Variants in SGIP1 observed in about 807,000 individuals in gnomAD.
SGIP1 encodes the protein SH3GL interacting endocytic adaptor 1, also known as SH3-containing GRB2-like protein 3-interacting protein 1.
A neutral mutation model predicts 107.5 loss-of-function variants in SGIP1; 38 were observed. The ratio of observed to expected loss-of-function variants is 0.35; its 90% CI spans 0.27 to 0.46. SGIP1 has a LOEUF of 0.46. SGIP1 is among the 20% of genes least tolerant of loss of function. The probability of loss-of-function intolerance (pLI) is 1.00; values close to 1 mark genes in which losing one functional copy is unlikely to be tolerated. For missense variants in SGIP1, 929 were observed against 1,019.5 expected (o/e 0.91, Z 1.21); for synonymous variants, 365 against 366.1 (o/e 1.00, Z 0.03).
intron 18 of SGIP1, among the ~76,000 whole-genome samples, chr1:66,715,722 TTGA>T (rs1302066195): frequency 6.6e-6 from 1 of 152,126 alleles, no homozygotes; most frequent in Non-Finnish European, 1.5e-5. Flanking sequence ...CAATAGAAAA[TTGA>T]TGATCAACTA....
intron 18 of SGIP1, among the ~76,000 whole-genome samples, chr1:66,703,812 T>C (rs949066982): frequency 2.0e-5 from 3 of 151,790 alleles, no homozygotes; most frequent in Non-Finnish European, 4.4e-5. Flanking sequence ...AAATATGGAA[T>C]ATGAATGATA....
At chr1:66,664,836 G>A (rs12039010) in intron 8 of SGIP1, among the ~76,000 whole-genome samples, 1 of 152,076 alleles carries the variant, frequency 6.6e-6, no homozygotes, top group South Asian at 2.1e-4. Flanking sequence ...CTAGTCACTC[G>A]TGTTTATATC....
chr1:66,623,571 A>T (rs1283400176), intron 1 of SGIP1, among the ~76,000 whole-genome samples: 1 of 152,138 alleles, frequency 6.6e-6, no homozygotes, highest in African/African-American at 2.4e-5. Context: ...TTCTTATTCA[A>T]CAATTTGATT....
At position 66,749,925 on chromosome 1, in the gene SGIP1, A is replaced by T. The variant is rs1010738275; in HGVS notation, c.*6830A>T. Among the ~76,000 whole-genome samples, 31 of 151,982 alleles carry T rather than the reference A, an allele frequency of 2.0e-4. 1 individual carries two copies. The highest frequency in any genetic ancestry group is 7.5e-4 in the African/African-American group (31 of 41,394). On this transcript the variant is annotated 3_prime_UTR_variant, in exon 25 of 25. Transcript: ENST00000371037. Reference sequence around the variant, plus strand: ...ATTCATATAGCTGTGTTGATTTTTCAGGTCAGAATTTAGTTCTTGCTTTGT... The same window carrying T: ...ATTCATATAGCTGTGTTGATTTTTCTGGTCAGAATTTAGTTCTTGCTTTGT...
chr1:66,708,392 T>C (rs1055972330), intron 18 of SGIP1, among the ~76,000 whole-genome samples: 9 of 152,142 alleles, frequency 5.9e-5, no homozygotes, highest in African/African-American at 2.2e-4. Context: ...CCACTGTCTA[T>C]GTGAAAGTGT....
rs1313733423 is a variant in SGIP1, at chr1:66,682,141, C to T, written c.1087C>T (p.Pro363Ser). The change falls in exon 15 of 25, where the codon CCT becomes TCT. Residue 363 changes from proline to serine, a missense_variant. By Grantham distance (74) the Pro-to-Ser change is moderately conservative. Coordinates refer to ENST00000371037, the MANE Select transcript of SGIP1 (RefSeq NM_032291.4). ...CCCAGGTCCCACAGGCCCCCCAGGG[C>T]CTCCTGGGCCTCCTCGCAATGTACT... ...GPPGPTGPPG[P>S]PGPPRNVLSP... 9 of 1,614,132 alleles carry T rather than the reference C, an allele frequency of 5.6e-6. No homozygotes were observed. The highest frequency in any genetic ancestry group is 2.2e-5 in the East Asian group (1 of 44,892).
intron 18 of SGIP1, among the ~76,000 whole-genome samples, chr1:66,697,655 A>G (rs1280040640): frequency 1.3e-5 from 2 of 152,180 alleles, no homozygotes; most frequent in Non-Finnish European, 2.9e-5. Flanking sequence ...AAAAACGGCT[A>G]TATTTTTTAA....
intron 1 of SGIP1, among the ~76,000 whole-genome samples, chr1:66,619,356 G>A (rs2070326211): frequency 6.6e-6 from 1 of 152,242 alleles, no homozygotes; most frequent in Non-Finnish European, 1.5e-5. Context: ...TATGAGGTGA[G>A]TAAGGAAGGT....
chr1:66,562,104 A>C (rs1406899156), intron 1 of SGIP1, among the ~76,000 whole-genome samples: 1 of 151,926 alleles, frequency 6.6e-6, no homozygotes, highest in Non-Finnish European at 1.5e-5. Context: ...CCAAAAAAAA[A>C]AAATCTGGCT....
chr1:66,540,878 G>A (rs1002813057), intron 1 of SGIP1, among the ~76,000 whole-genome samples: 7 of 152,160 alleles, frequency 4.6e-5, no homozygotes, highest in African/African-American at 1.7e-4. Context: ...GATAATTGAT[G>A]TGCCATACCT....
At chr1:66,661,247 A>G (rs1294603864) in intron 8 of SGIP1, among the ~76,000 whole-genome samples, 2 of 152,226 alleles carry the variant, frequency 1.3e-5, no homozygotes, top group African/African-American at 4.8e-5. Flanking sequence ...ATGCTGATGC[A>G]TGGCTGACAG....
At chr1:66,617,894 G>A (rs1343080628) in intron 1 of SGIP1, among the ~76,000 whole-genome samples, 2 of 152,062 alleles carry the variant, frequency 1.3e-5, no homozygotes, top group Non-Finnish European at 2.9e-5. Context: ...AAATTATGAT[G>A]ACTAACAAAA....
chr1:66,559,567 T>G (rs1285294915), intron 1 of SGIP1, among the ~76,000 whole-genome samples: 1 of 152,096 alleles, frequency 6.6e-6, no homozygotes, highest in Non-Finnish European at 1.5e-5. Context: ...TGAGGAGCAG[T>G]AGAGTACATG....
At chr1:66,659,414 G>A (rs540750680) in intron 7 of SGIP1, among the ~76,000 whole-genome samples, 1 of 152,174 alleles carries the variant, frequency 6.6e-6, no homozygotes, top group Non-Finnish European at 1.5e-5. Flanking sequence ...AAGAACTGAC[G>A]GCTCTAGCCA....
At chr1:66,651,690 C>T (rs759957034) in intron 7 of SGIP1, among the ~76,000 whole-genome samples, 2 of 152,182 alleles carry the variant, frequency 1.3e-5, no homozygotes, top group African/African-American at 2.4e-5. Flanking sequence ...TTCTATGGTA[C>T]AGCACTTCCT....
At chr1:66,655,952 G>A (rs561012097) in intron 7 of SGIP1, among the ~76,000 whole-genome samples, 3 of 152,042 alleles carry the variant, frequency 2.0e-5, no homozygotes, top group African/African-American at 7.2e-5. Context: ...TTTTTAAAAT[G>A]TATTGACTCT....
chr1:66,724,317 T>G (rs1044910527), intron 19 of SGIP1, among the ~76,000 whole-genome samples: 2 of 152,240 alleles, frequency 1.3e-5, no homozygotes, highest in African/African-American at 4.8e-5. Flanking sequence ...TAAGCATCTA[T>G]TCATATTTCC....
chr1:66,738,662 G>T (rs553327869), intron 21 of SGIP1, among the ~76,000 whole-genome samples: 1 of 152,194 alleles, frequency 6.6e-6, no homozygotes, highest in Non-Finnish European at 1.5e-5. Context: ...CCCAAAGGAA[G>T]TAAAAACTAG....
rs140081454 is a variant in SGIP1, at chr1:66,560,340, C to T, written c.10+25972C>T. ...ACTGTATGTTTTTCAGGCCCACCCT[C>T]ATTAGTTCCGCACTCTATCCTTGTA... is the stretch of plus-strand genomic sequence containing the variant. On this transcript the variant is annotated intron_variant, in intron 1 of 24. Transcript: ENST00000371037. Among the ~76,000 whole-genome samples the T allele has an allele frequency of 1.2e-4, 19 of 152,224 alleles. No individual in the cohort carries two copies. The East Asian group carries it at 3.7e-3, about 30-fold the overall frequency.
Sources: gnomAD v4.1 joint callset for allele counts (sites outside exome capture counted in the v4.1 genomes callset) on GRCh38, gnomAD v4.1.1 for gene constraint, MANE v1.5 for transcripts, NCBI Gene and HGNC (gene_info 2026-07-23, HGNC 2026-07-21) for gene names.